Variants in NALCN observed in about 807,000 individuals in gnomAD.
NALCN encodes the protein sodium leak channel NALCN.
NALCN carries 111 observed loss-of-function variants against 225.3 expected under a neutral mutation model. That is an observed-to-expected ratio of 0.49 (90% CI 0.42 to 0.58). The LOEUF (loss-of-function observed/expected upper bound fraction) is 0.58. NALCN is among the 20% of genes least tolerant of loss of function. The pLI is 0.00. For synonymous variants in NALCN, 764 were observed against 769.0 expected (o/e 0.99, Z 0.11); for missense variants, 1,378 against 2,202.4 (o/e 0.63, Z 7.49).
intron 17 of NALCN, among the ~76,000 whole-genome samples, chr13:101,126,028 T>A (rs1160261461): frequency 6.6e-6 from 1 of 152,150 alleles, no homozygotes; most frequent in African/African-American, 2.4e-5. Flanking sequence ...AAGGGTTAGG[T>A]ATGTTGAGGT....
intron 15 of NALCN, among the ~76,000 whole-genome samples, chr13:101,164,812 A>G (rs1281027284): frequency 3.3e-5 from 5 of 152,246 alleles, no homozygotes; most frequent in African/African-American, 1.2e-4. Flanking sequence ...TTTCAGAAAT[A>G]GCAGATCAAA....
chr13:101,074,392 CA>C, intron 36 of NALCN, 121 bp downstream of exon 36: 1 of 871,706 alleles, frequency 1.1e-6, no homozygotes, highest in Non-Finnish European at 1.6e-6. Flanking sequence ...TTTTAATTTC[CA>C]ACTGATTACT....
chr13:101,310,331 CT>C (rs2139139301), intron 7 of NALCN, among the ~76,000 whole-genome samples: 1 of 152,292 alleles, frequency 6.6e-6, no homozygotes, highest in South Asian at 2.1e-4. Flanking sequence ...TATTCCCTTT[CT>C]CTTTCTCCAT....
chr13:101,157,097 CA>C (rs1377192328), intron 15 of NALCN, among the ~76,000 whole-genome samples: 1 of 152,076 alleles, frequency 6.6e-6, no homozygotes, highest in Non-Finnish European at 1.5e-5. Flanking sequence ...AACAATCTAA[CA>C]AAATTAGTAT....
At chr13:101,094,938 G>A (rs2034425335) in intron 28 of NALCN, among the ~76,000 whole-genome samples, 1 of 152,164 alleles carries the variant, frequency 6.6e-6, no homozygotes, top group Admixed American at 6.5e-5. Flanking sequence ...AAATGAAGGT[G>A]ACAGAACACT....
intron 1 of NALCN, among the ~76,000 whole-genome samples, chr13:101,408,176 G>A (rs2047676268): frequency 6.6e-6 from 1 of 152,186 alleles, no homozygotes; most frequent in Admixed American, 6.5e-5. Context: ...AAATAGAACA[G>A]TCTTCTTTCC....
chr13:101,104,184 G>T lies in NALCN; in HGVS notation c.2889+111C>A. ...ACTCTAGAGTCCATTTAAGAATTCG[G>T]TTAGGGAATCTAAGCCTCTGTAACT... is the stretch of plus-strand genomic sequence containing the variant. On this transcript the variant is annotated intron_variant, in intron 25 of 43. Transcript: ENST00000251127. The surrounding 1 kb of genome is among the most constrained non-coding windows in gnomAD (Gnocchi z 4.2). 1.5e-6 allele frequency: 2 copies of T among 1,321,670 alleles called. No individual in the cohort carries two copies. Among genetic ancestry groups the T allele is most frequent in the East Asian group, 4.8e-5 (2 of 41,832 alleles). 81.9% of individuals were successfully genotyped at this position (1,321,670 alleles called of 1,614,324 possible). A position where few individuals can be genotyped will look rare whatever the true frequency, so the allele number is the denominator to read the frequency against.
intron 26 of NALCN, among the ~76,000 whole-genome samples, chr13:101,101,281 C>CTTTTTTTTTTTTTTTT (rs60948311): frequency 2.7e-5 from 3 of 112,368 alleles, no homozygotes; most frequent in Non-Finnish European, 5.1e-5. Context: ...ATTTTTTTTT[C>CTTTTTTTTTTTTTTTT]TTTTTTTTTT....
Position 101,100,909 on chromosome 13 carries a change from G to A in NALCN, c.3058-21C>T, listed in dbSNP as rs376329190. 1.2e-4 allele frequency: 192 copies of A among 1,583,842 alleles called. No homozygotes were observed. In the African/African-American group the frequency reaches 2.5e-3, roughly 21 times the overall value. ...GAGACCTGAAAGAAATTGATGAAAT[G>A]TTAAATCTCTTGTTAAAGACTAAAT... On this transcript the variant is annotated intron_variant, in intron 26 of 43. Coordinates refer to ENST00000251127, the MANE Select transcript of NALCN (RefSeq NM_052867.4).
At chr13:101,277,310 A>G (rs1442040480) in intron 10 of NALCN, among the ~76,000 whole-genome samples, 1 of 152,120 alleles carries the variant, frequency 6.6e-6, no homozygotes, top group East Asian at 1.9e-4. Flanking sequence ...AGTACATTTC[A>G]TTTATAAGAG....
intron 34 of NALCN, among the ~76,000 whole-genome samples, chr13:101,080,526 AGTTAT>A (rs1475080810): frequency 1.4e-5 from 2 of 142,930 alleles, no homozygotes; most frequent in Non-Finnish European, 3.0e-5. Context: ...CATACATAAT[AGTTAT>A]AAGTATATAA....
At position 101,292,621 on chromosome 13, in the gene NALCN, G is replaced by A. The variant is rs560842221; in HGVS notation, c.800-255C>T. On this transcript the variant is annotated intron_variant, in intron 7 of 43. Coordinates refer to ENST00000251127, the MANE Select transcript of NALCN (RefSeq NM_052867.4). This position sits in a 1 kb window ranked among gnomAD's most constrained non-coding sequence, Gnocchi z 4.3. ...GATATTATACCTTTAGCTGTTAAAT[G>A]CAAATAATAATGTGGAAAAGGAAAT... Among the ~76,000 whole-genome samples the A allele has an allele frequency of 1.3e-5, 2 of 152,162 alleles. No homozygotes were observed. Among genetic ancestry groups the A allele is most frequent in the African/African-American group, 4.8e-5 (2 of 41,530 alleles).
intron 6 of NALCN, among the ~76,000 whole-genome samples, chr13:101,361,867 AC>A (rs1243285224): frequency 6.6e-6 from 1 of 152,060 alleles, no homozygotes; most frequent in Non-Finnish European, 1.5e-5. Context: ...TTTCTTTTAG[AC>A]CCCCATTCAA....
rs557034675 is a variant in NALCN, at chr13:101,393,394, GA to G, written c.291+1788del. ...CAGTTCAGAGGACAAGGAGTACACA[GA>G]AACTATTCAAGAGCACCATCTGGAA... On this transcript the variant is annotated intron_variant, in intron 3 of 43. Coordinates refer to ENST00000251127, the MANE Select transcript of NALCN (RefSeq NM_052867.4). Among the ~76,000 whole-genome samples, 34 of 152,312 alleles carry G rather than the reference GA, an allele frequency of 2.2e-4. 1 individual carries two copies. In the East Asian group the frequency reaches 6.0e-3, roughly 27 times the overall value.
chr13:101,416,107 C>T (rs946164740), intron 1 of NALCN, among the ~76,000 whole-genome samples: 41 of 151,714 alleles, frequency 2.7e-4, no homozygotes, highest in Admixed American at 6.6e-5. Flanking sequence ...GCCCCGCTCT[C>T]GGGTGGAGGC....
chr13:101,188,943 C>T (rs1038356959), intron 14 of NALCN, among the ~76,000 whole-genome samples: 1 of 152,160 alleles, frequency 6.6e-6, no homozygotes, highest in Admixed American at 6.6e-5. Flanking sequence ...CTGCCTCAGC[C>T]TCCCAAAGTG....
At chr13:101,076,512 C>G (rs1282636522) in intron 34 of NALCN, among the ~76,000 whole-genome samples, 1 of 152,180 alleles carries the variant, frequency 6.6e-6, no homozygotes, top group Non-Finnish European at 1.5e-5. Context: ...AACAAAGATC[C>G]CACCAGCTAT....
At chr13:101,238,865 T>C (rs1433539635) in intron 11 of NALCN, among the ~76,000 whole-genome samples, 1 of 151,798 alleles carries the variant, frequency 6.6e-6, no homozygotes, top group East Asian at 1.9e-4. Context: ...GTGGGGAAAA[T>C]GCAGTTTTAA....
chr13:101,219,982 GTGTCACC>G (rs1463680400), intron 13 of NALCN, among the ~76,000 whole-genome samples: 1 of 152,116 alleles, frequency 6.6e-6, no homozygotes, highest in Non-Finnish European at 1.5e-5. Context: ...GACAAATTAA[GTGTCACC>G]TAAGACTACA....
Sources: gnomAD v4.1 joint callset for allele counts (sites outside exome capture counted in the v4.1 genomes callset) on GRCh38, gnomAD v4.1.1 for gene constraint, Gnocchi (gnomAD v3.1) non-coding constraint, MANE v1.5 for transcripts, NCBI Gene and HGNC (gene_info 2026-07-23, HGNC 2026-07-21) for gene names.